Variants in SEMA6D observed in about 807,000 individuals in gnomAD.
SEMA6D encodes the protein semaphorin 6D, also known as semaphorin-6D.
SEMA6D carries 35 observed loss-of-function variants against 106.6 expected under a neutral mutation model. The observed-to-expected ratio is 0.33, with a 90% CI of 0.25 to 0.44. The LOEUF is 0.44. Among genes scored for constraint, SEMA6D ranks in the 20% least tolerant of loss-of-function variants. SEMA6D has a pLI of 1.00. For missense variants in SEMA6D, 1,185 were observed against 1,345.9 expected, an observed-to-expected ratio of 0.88 and a Z score of 1.87; for synonymous variants, 499 against 487.7, an observed-to-expected ratio of 1.02 and a Z score of -0.31.
chr15:47,707,768 G>A (rs1332444679), intron 4 of SEMA6D, among the ~76,000 whole-genome samples: 1 of 152,126 alleles, frequency 6.6e-6, no homozygotes, highest in Non-Finnish European at 1.5e-5. Flanking sequence ...TGAAGTAACT[G>A]TGTAATAATT....
intron 4 of SEMA6D, among the ~76,000 whole-genome samples, chr15:47,637,793 G>T (rs545425858): frequency 6.6e-6 from 1 of 152,256 alleles, no homozygotes; most frequent in East Asian, 1.9e-4. Context: ...GTCTTCATGG[G>T]GAATATCCAG....
chr15:47,771,662 T>G lies in SEMA6D; in HGVS notation c.3099T>G (p.Ser1033Arg), dbSNP rs2082635933. 3 of 1,614,060 alleles carry G rather than the reference T, an allele frequency of 1.9e-6. No homozygotes were observed. The East Asian group carries it at 6.7e-5, about 36-fold the overall frequency. ...PSLSRQSSYT[S>R]NGTLPRTGLK... ...TCTCCAGACAGAGCAGCTACACCAG[T>G]AATGGCACTCTTCCTAGGACGGGAC... The change falls in exon 19 of 19, where the codon AGT (serine) becomes AGG (arginine). Residue 1033 changes from serine to arginine, a missense_variant. Around this residue, in one of 3 missense-constraint regions of SEMA6D, gnomAD observed 750 missense variants for 783.5 expected, o/e 0.96. Transcript: ENST00000536845.
chr15:47,567,055 C>T, intron 3 of SEMA6D, among the ~76,000 whole-genome samples: 1 of 152,116 alleles, frequency 6.6e-6, no homozygotes, highest in East Asian at 1.9e-4. Context: ...AATTATTCTG[C>T]CACCAGTATT....
At chr15:47,545,288 C>T (rs1730602638) in intron 3 of SEMA6D, among the ~76,000 whole-genome samples, 1 of 152,058 alleles carries the variant, frequency 6.6e-6, no homozygotes, top group South Asian at 2.1e-4. Context: ...TTAAAGTAGG[C>T]TGCTAAATTA....
chr15:47,730,693 T>C, intron 1 of SEMA6D: 1 of 1,608,236 alleles, frequency 6.2e-7, no homozygotes. Flanking sequence ...CTGGGTGAAC[T>C]GGTTAATCGC....
rs555973641 is a variant in SEMA6D at position 47,366,357 on chromosome 15, C to A, written c.-238-46036C>A. On this transcript the variant is annotated intron_variant, in intron 1 of 19. Coordinates refer to the SEMA6D transcript ENST00000558014. ...GTTGTACAGTGTGAACCTGCAAAGCCACGTGTGGCAGCTCTGGGTATGTCT... is the reference window on the plus strand; with the variant it reads ...GTTGTACAGTGTGAACCTGCAAAGCAACGTGTGGCAGCTCTGGGTATGTCT... 3.9e-5 allele frequency among the ~76,000 whole-genome samples: 6 copies of A among 152,286 alleles called. No individual in the cohort carries two copies. In the South Asian group the frequency reaches 1.2e-3, roughly 32 times the overall value.
chr15:47,595,509 T>C lies in SEMA6D; in HGVS notation c.-86-5356T>C, dbSNP rs556088136. ...TTGTTGTTGTTGAGGATTTTTGCAT[T>C]GATGTTCATCAGGGATATTGGTCTG... On this transcript the variant is annotated intron_variant, in intron 3 of 19. Coordinates refer to the SEMA6D transcript ENST00000558014. Among the ~76,000 whole-genome samples the C allele has an allele frequency of 1.6e-4, 24 of 152,322 alleles. No homozygotes were observed. In the South Asian group the frequency reaches 4.8e-3, roughly 30 times the overall value.
intron 4 of SEMA6D, among the ~76,000 whole-genome samples, chr15:47,602,170 C>T (rs548321022): frequency 1.9e-3 from 286 of 152,278 alleles, no homozygotes; most frequent in Non-Finnish European, 3.4e-3. Context: ...ATAATTCTTA[C>T]AATTCTATAC....
At chr15:47,207,531 A>G (rs1895155539) in intron 1 of SEMA6D, among the ~76,000 whole-genome samples, 1 of 152,206 alleles carries the variant, frequency 6.6e-6, no homozygotes, top group African/African-American at 2.4e-5. Flanking sequence ...TGAATCAGGC[A>G]CAAGTCTAGC....
chr15:47,657,414 T>C (rs1222549927), intron 4 of SEMA6D, among the ~76,000 whole-genome samples: 6 of 152,262 alleles, frequency 3.9e-5, no homozygotes, highest in African/African-American at 1.4e-4. Flanking sequence ...CATTTTTAGC[T>C]TTTTCCTATG....
At chr15:47,438,176 T>C (rs539102008) in intron 2 of SEMA6D, among the ~76,000 whole-genome samples, 20 of 152,226 alleles carry the variant, frequency 1.3e-4, no homozygotes, top group African/African-American at 4.8e-4. Context: ...ACATCTCACA[T>C]CTCATCTATC....
At chr15:47,449,473 C>G (rs1299536196) in intron 2 of SEMA6D, among the ~76,000 whole-genome samples, 1 of 152,048 alleles carries the variant, frequency 6.6e-6, no homozygotes, top group African/African-American at 2.4e-5. Context: ...GTTCTTTCTC[C>G]ATTGTAGAGT....
intron 1 of SEMA6D, among the ~76,000 whole-genome samples, chr15:47,319,747 C>G (rs2036851928): frequency 6.6e-6 from 1 of 152,056 alleles, no homozygotes; most frequent in South Asian, 2.1e-4. Flanking sequence ...TTCTCGTCTT[C>G]CTGCTTGAAG....
At chr15:47,569,273 G>T (rs2142865607) in intron 3 of SEMA6D, among the ~76,000 whole-genome samples, 1 of 152,222 alleles carries the variant, frequency 6.6e-6, no homozygotes, top group South Asian at 2.1e-4. Context: ...CCACCTGGCT[G>T]CTGGGTAATT....
chr15:47,638,310 G>A (rs1432935280), intron 4 of SEMA6D, among the ~76,000 whole-genome samples: 1 of 148,914 alleles, frequency 6.7e-6, no homozygotes, highest in African/African-American at 2.4e-5. Context: ...AGTAAGATGA[G>A]GCAGGATGTG....
At chr15:47,346,494 TAGAGGGCTGAGATG>T (rs2038053000) in intron 1 of SEMA6D, among the ~76,000 whole-genome samples, 1 of 152,156 alleles carries the variant, frequency 6.6e-6, no homozygotes, top group Non-Finnish European at 1.5e-5. Context: ...AGCTGTGTTG[TAGAGGGCTGAGATG>T]ACTGGAAGTT....
At chr15:47,666,956 C>T (rs1361465944) in intron 4 of SEMA6D, among the ~76,000 whole-genome samples, 1 of 152,124 alleles carries the variant, frequency 6.6e-6, no homozygotes, top group African/African-American at 2.4e-5. Context: ...AGAGGCCACT[C>T]GTAGATAATC....
rs540913475 is a variant in SEMA6D at position 47,345,976 on chromosome 15, T to A, written c.-238-66417T>A. 4.6e-5 allele frequency among the ~76,000 whole-genome samples: 7 copies of A among 152,258 alleles called. No individual in the cohort carries two copies. The South Asian group carries it at 1.5e-3, about 32-fold the overall frequency. Reference sequence around the variant, plus strand: ...TTTTAAATATGGCCATTTTATTATGTCAATTATACCTAAAACAGCTATTAA... The same window carrying A: ...TTTTAAATATGGCCATTTTATTATGACAATTATACCTAAAACAGCTATTAA... On this transcript the variant is annotated intron_variant, in intron 1 of 19. Coordinates refer to the SEMA6D transcript ENST00000558014.
At chr15:47,377,366 G>A (rs2039485055) in intron 1 of SEMA6D, among the ~76,000 whole-genome samples, 1 of 152,126 alleles carries the variant, frequency 6.6e-6, no homozygotes, top group South Asian at 2.1e-4. Context: ...GCAATTCAAT[G>A]AGATGGAAAT....
Sources: gnomAD v4.1 joint callset for allele counts (sites outside exome capture counted in the v4.1 genomes callset) on GRCh38, gnomAD v4.1.1 for gene constraint, gnomAD v4.1.1 regional missense constraint, MANE v1.5 for transcripts, NCBI Gene and HGNC (gene_info 2026-07-23, HGNC 2026-07-21) for gene names.